The following GRID2 variants were observed in gnomAD, a reference collection of about 807,000 sequenced individuals.
GRID2 encodes glutamate receptor ionotropic, delta-2.
GRID2 carries 33 observed loss-of-function variants against 114.8 expected under a neutral mutation model. The ratio of observed to expected loss-of-function variants is 0.29; its 90% confidence interval spans 0.22 to 0.38. The LOEUF (loss-of-function observed/expected upper bound fraction) is 0.38. GRID2 is among the 10% of genes least tolerant of loss of function. The pLI, the probability that GRID2 is intolerant of heterozygous loss-of-function variation, is 1.00. For synonymous variants in GRID2, 505 were observed against 449.9 expected, an observed-to-expected ratio of 1.12 and a Z score of -1.55; for missense variants, 1,184 against 1,257.7, an observed-to-expected ratio of 0.94 and a Z score of 0.89.
chr4:92,409,798 G>C (rs761527445), intron 1 of GRID2, among the ~76,000 whole-genome samples: 1 of 152,122 alleles, frequency 6.6e-6, no homozygotes, highest in Admixed American at 6.6e-5. Flanking sequence ...CTGGGAGAGA[G>C]GAAAGAGAGT....
At chr4:92,324,544 A>G (rs1726487894) in intron 1 of GRID2, among the ~76,000 whole-genome samples, 1 of 151,798 alleles carries the variant, frequency 6.6e-6, no homozygotes, top group Admixed American at 6.6e-5. Context: ...TAGGTTTCCT[A>G]TGCTATGTTT....
At chr4:93,337,662 A>T (rs895827679) in intron 8 of GRID2, among the ~76,000 whole-genome samples, 2 of 151,578 alleles carry the variant, frequency 1.3e-5, no homozygotes, top group Non-Finnish European at 3.0e-5. Context: ...CTGGTCATAA[A>T]CAAAAAAGTA....
chr4:92,434,169 A>G lies in GRID2; in HGVS notation c.88+129425A>G, dbSNP rs145236958. Among the ~76,000 whole-genome samples the G allele has an allele frequency of 2.7e-3, 415 of 152,326 alleles. 2 individuals carry two copies. Among genetic ancestry groups the G allele is most frequent in the African/African-American group, 9.6e-3 (398 of 41,586 alleles). On this transcript the variant is annotated intron_variant, in intron 1 of 15. Transcript: ENST00000282020. ...GCGGCTATTCCAGACACTGTGTGAC[A>G]TAATACAATTATTCTCAGCAACATC...
chr4:92,505,209 T>C (rs921128810), intron 1 of GRID2, among the ~76,000 whole-genome samples: 10 of 152,016 alleles, frequency 6.6e-5, no homozygotes, highest in African/African-American at 1.4e-4. Context: ...AATAGGACTC[T>C]TGGAGCAATC....
intron 1 of GRID2, among the ~76,000 whole-genome samples, chr4:92,417,755 A>G (rs1157392531): frequency 6.6e-6 from 1 of 152,158 alleles, no homozygotes; most frequent in African/African-American, 2.4e-5. Context: ...CCCAGATCTC[A>G]CCTTGAATTG....
chr4:93,475,155 C>T (rs937357479), intron 11 of GRID2, among the ~76,000 whole-genome samples: 20 of 152,210 alleles, frequency 1.3e-4, no homozygotes, highest in African/African-American at 4.8e-4. Flanking sequence ...TCAGTGACTC[C>T]AGAGGCTGTA....
intron 13 of GRID2, among the ~76,000 whole-genome samples, chr4:93,625,657 T>C (rs1742638122): frequency 6.6e-6 from 1 of 152,240 alleles, no homozygotes; most frequent in South Asian, 2.1e-4. Context: ...GGCTCACGCC[T>C]GTAATCTCAG....
At chr4:92,918,276 A>C (rs1004958219) in intron 2 of GRID2, among the ~76,000 whole-genome samples, 4 of 152,168 alleles carry the variant, frequency 2.6e-5, no homozygotes, top group African/African-American at 9.7e-5. Context: ...TTTTCTAGAT[A>C]TACAATCATG....
intron 14 of GRID2, among the ~76,000 whole-genome samples, chr4:93,694,322 A>G (rs1305029919): frequency 1.3e-5 from 2 of 152,044 alleles, no homozygotes; most frequent in Non-Finnish European, 2.9e-5. Context: ...AGCCCCCAGA[A>G]CCTACTACTT....
At chr4:92,888,545 C>T (rs930620097) in intron 2 of GRID2, among the ~76,000 whole-genome samples, 17 of 151,836 alleles carry the variant, frequency 1.1e-4, no homozygotes, top group Admixed American at 3.3e-4. Context: ...ATTATTGTGG[C>T]GCTGGGGGGA....
intron 2 of GRID2, among the ~76,000 whole-genome samples, chr4:92,990,316 T>C (rs921596993): frequency 1.4e-4 from 21 of 150,872 alleles, no homozygotes; most frequent in African/African-American, 5.1e-4. Context: ...TGTGTGTGTG[T>C]GTGTGTGTGT....
At chr4:92,945,362 A>G (rs1453106765) in intron 2 of GRID2, among the ~76,000 whole-genome samples, 3 of 152,158 alleles carry the variant, frequency 2.0e-5, no homozygotes, top group Admixed American at 2.0e-4. Context: ...AACCATTTCA[A>G]TGTGTCTTTG....
chr4:92,982,231 G>A (rs1054727003), intron 2 of GRID2, among the ~76,000 whole-genome samples: 4 of 151,884 alleles, frequency 2.6e-5, no homozygotes, highest in African/African-American at 9.7e-5. Context: ...CAAATTCAGA[G>A]TTGTCTACAG....
chr4:92,499,680 T>C (rs1246051181), intron 1 of GRID2, among the ~76,000 whole-genome samples: 1 of 152,182 alleles, frequency 6.6e-6, no homozygotes, highest in Non-Finnish European at 1.5e-5. Flanking sequence ...TGGCGTGATC[T>C]TGGCTCACTG....
chr4:92,477,052 TGTGTGTGTGTGTG>T (rs1722350755), intron 1 of GRID2, among the ~76,000 whole-genome samples: 1 of 66,332 alleles, frequency 1.5e-5, no homozygotes, highest in Non-Finnish European at 3.6e-5. Flanking sequence ...TGTGTGTGTG[TGTGTGTGTGTGTG>T]TGTGTGTGTG....
At chr4:92,645,983 A>G (rs370984826) in intron 2 of GRID2, among the ~76,000 whole-genome samples, 8 of 151,708 alleles carry the variant, frequency 5.3e-5, no homozygotes, top group East Asian at 3.9e-4. Flanking sequence ...ATGTCCTAGG[A>G]GTAGAATTGG....
rs148956891 is a variant in GRID2, at chr4:93,703,160, G to A, written c.2361-66050G>A. On this transcript the variant is annotated intron_variant, in intron 14 of 15. Coordinates refer to ENST00000282020, the MANE Select transcript of GRID2 (RefSeq NM_001510.4). ...AAGCATGTATTCATGTTAATTTACC[G>A]TTTGTGTTGTCCCTATTGTAAATTG... is the stretch of plus-strand genomic sequence containing the variant. Among the ~76,000 whole-genome samples the A allele has an allele frequency of 9.0e-3, 1,366 of 152,008 alleles. 14 individuals are homozygous for A. Among genetic ancestry groups the A allele is most frequent in the African/African-American group, 0.03 (1,226 of 41,486 alleles).
At chr4:93,081,264 C>CA (rs998369075) in intron 2 of GRID2, among the ~76,000 whole-genome samples, 1 of 152,152 alleles carries the variant, frequency 6.6e-6, no homozygotes, top group East Asian at 1.9e-4. Flanking sequence ...ATGATGCTAC[C>CA]AAAAAATATT....
chr4:92,518,325 T>C (rs947962766), intron 1 of GRID2, among the ~76,000 whole-genome samples: 2 of 151,916 alleles, frequency 1.3e-5, no homozygotes, highest in African/African-American at 4.8e-5. Context: ...GCTCAGAATA[T>C]ACCTGCACCA....
Sources: gnomAD v4.1 joint callset for allele counts (sites outside exome capture counted in the v4.1 genomes callset) on GRCh38, gnomAD v4.1.1 for gene constraint, MANE v1.5 for transcripts, NCBI Gene and HGNC (gene_info 2026-07-23, HGNC 2026-07-21) for gene names.